CCL25: variants seen among roughly 807,000 people sequenced by gnomAD.
CCL25 encodes the protein C-C motif chemokine ligand 25.
A neutral mutation model predicts 19.9 loss-of-function variants in CCL25; 14 were observed. The ratio of observed to expected loss-of-function variants is 0.70; its 90% confidence interval spans 0.47 to 1.10. CCL25 has a LOEUF of 1.10. Ranked by LOEUF, CCL25 falls within the 50% of genes least tolerant of loss-of-function variation. The pLI is 0.00. For synonymous variants in CCL25, 68 were observed against 73.2 expected (o/e 0.93, Z 0.36); for missense variants, 151 against 181.2 (o/e 0.83, Z 0.96).
intron 2 of CCL25, 81 bp downstream of exon 2, chr19:8,053,203 C>T (rs1238283309): frequency 3.3e-5 from 28 of 850,526 alleles, no homozygotes; most frequent in East Asian, 5.7e-5. Flanking sequence ...TTATCTCCTC[C>T]GGAAGTCTCC....
chr19:8,054,850 G>A (rs2081257898), intron 2 of CCL25, among the ~76,000 whole-genome samples: 1 of 151,664 alleles, frequency 6.6e-6, no homozygotes, highest in South Asian at 2.1e-4. Context: ...TTGTTTGGTT[G>A]GTGTTTTGTT....
chr19:8,057,056 T>C (rs191880908), intron 4 of CCL25, among the ~76,000 whole-genome samples: 2 of 152,300 alleles, frequency 1.3e-5, no homozygotes, highest in Admixed American at 1.3e-4. Context: ...AGTCTTGCTG[T>C]GTCATCCAGG....
At chr19:8,055,375 G>A (rs1360664909) in intron 2 of CCL25, among the ~76,000 whole-genome samples, 8 of 147,898 alleles carry the variant, frequency 5.4e-5, no homozygotes, top group Admixed American at 3.4e-4. Flanking sequence ...TCACTCTGTC[G>A]CCCAGGCTGG....
In CCL25 at chr19:8,062,391, G is replaced by A. The variant is rs569124304; in HGVS notation, c.*166G>A. 2 of 679,188 alleles carry A rather than the reference G, an allele frequency of 2.9e-6. No homozygotes were observed. Among genetic ancestry groups the A allele is most frequent in the East Asian group, 2.8e-5 (1 of 36,128 alleles). 42.1% of individuals were successfully genotyped at this position (679,188 alleles called of 1,614,324 possible). A position where few individuals can be genotyped will look rare whatever the true frequency, so the allele number is the denominator to read the frequency against. On this transcript the variant is annotated 3_prime_UTR_variant, in exon 6 of 6. Coordinates refer to ENST00000315626, the MANE Select transcript of CCL25 (RefSeq NM_005624.4). Reference sequence around the variant, plus strand: ...TCTGCACCCCCACCACCTCCTGCCCGTCTGGCAACTGGAAAGAGGGAGTTG... The same window carrying A: ...TCTGCACCCCCACCACCTCCTGCCCATCTGGCAACTGGAAAGAGGGAGTTG...
intron 2 of CCL25, among the ~76,000 whole-genome samples, chr19:8,053,407 C>T (rs528306119): frequency 1.3e-5 from 2 of 152,234 alleles, no homozygotes; most frequent in South Asian, 4.1e-4. Context: ...AAGCCAGTTA[C>T]TGCCAGGGAT....
intron 5 of CCL25, among the ~76,000 whole-genome samples, chr19:8,061,475 A>G (rs1007772462): frequency 6.6e-6 from 1 of 152,136 alleles, no homozygotes; most frequent in African/African-American, 2.4e-5. Flanking sequence ...GCTTCATCAC[A>G]TAGGAGTGAA....
In CCL25 at chr19:8,056,274, G is replaced by A. The variant is rs1351644562; in HGVS notation, c.191+5G>A. 1 of 1,596,352 alleles carries A rather than the reference G, an allele frequency of 6.3e-7. No individual in the cohort carries two copies. The highest frequency in any genetic ancestry group is 2.2e-5 in the East Asian group (1 of 44,630). On this transcript the variant is annotated splice_donor_5th_base_variant and intron_variant, in intron 3 of 5. Coordinates refer to ENST00000315626, the MANE Select transcript of CCL25 (RefSeq NM_005624.4). The stretch of plus-strand genomic sequence containing the variant: ...CTGCAATCTGCCTGCTGCGATGTGA[G>A]TGGGGCCGTGGGGGCTGGGGGGGTG...
In CCL25 at chr19:8,057,790, C is replaced by G; in HGVS notation, c.326-11C>G. On this transcript the variant is annotated splice_polypyrimidine_tract_variant and intron_variant, in intron 4 of 5. Coordinates refer to ENST00000315626, the MANE Select transcript of CCL25 (RefSeq NM_005624.4). The stretch of plus-strand genomic sequence containing the variant: ...CAGAGCTCTTGCTTATTTCTCTCTC[C>G]ATTTCTCCAGCAGGCCCTCATGCTG... The G allele has an allele frequency of 6.2e-7, 1 of 1,609,820 alleles. No individual in the cohort carries two copies. Among genetic ancestry groups the G allele is most frequent in the South Asian group, 1.1e-5 (1 of 90,620 alleles).
chr19:8,058,381 TA>T (rs1418136121), intron 5 of CCL25, among the ~76,000 whole-genome samples: 1 of 115,696 alleles, frequency 8.6e-6, no homozygotes, highest in Non-Finnish European at 1.7e-5. Flanking sequence ...TAAATATATA[TA>T]ATATATAAGT....
rs2145302902 is a variant in CCL25, at chr19:8,062,101, T to C, written c.446-117T>C. ...TAAAAGATTCTAGCACTCCTATTAC[T>C]CAGAAATTCACAAGGGTTTTAGGAG... is the stretch of plus-strand genomic sequence containing the variant. On this transcript the variant is annotated intron_variant, in intron 5 of 5. Transcript: ENST00000315626. The C allele has an allele frequency of 5.0e-6, 4 of 798,386 alleles. No individual in the cohort carries two copies. The South Asian group carries it at 5.8e-5, about 12-fold the overall frequency. The allele number at this position is 798,386 out of a possible 1,614,324, so 49.5% of individuals were successfully genotyped here.
intron 5 of CCL25, among the ~76,000 whole-genome samples, chr19:8,058,569 A>C (rs1164430285): frequency 1.7e-5 from 2 of 117,304 alleles, no homozygotes; most frequent in Non-Finnish European, 3.5e-5. Context: ...TAAAAATAAT[A>C]TATAATATAT....
chr19:8,057,654 C>T, intron 4 of CCL25, 147 bp from the exon 5 acceptor site: 1 of 1,290,286 alleles, frequency 7.8e-7, no homozygotes, highest in Non-Finnish European at 1.0e-6. Context: ...TTAATCAGGA[C>T]ACTTTCCACT....
At chr19:8,052,698 C>T (rs945169762), upstream of CCL25, 6 of 100,072 alleles carry the variant, frequency 6.0e-5, no homozygotes, top group East Asian at 1.2e-4. Flanking sequence ...GGGAGGAGGG[C>T]GGGCAGGGGG....
chr19:8,057,828 G>A lies in CCL25; in HGVS notation c.353G>A (p.Ser118Asn), dbSNP rs761062468. The A allele has an allele frequency of 6.2e-7, 1 of 1,613,270 alleles. No individual in the cohort carries two copies. The highest frequency in any genetic ancestry group is 8.5e-7 in the Non-Finnish European group (1 of 1,179,446). ...GGCCCTCATGCTGTAAAGAAGTTGA[G>A]TTCTGGAAACTCCAAGTTATCATCG... ...QAGPHAVKKL[S>N]SGNSKLSSSK... The change falls in exon 5 of 6, where the codon AGT becomes AAT. Residue 118 changes from serine to asparagine, a missense_variant. Coordinates refer to ENST00000315626, the MANE Select transcript of CCL25 (RefSeq NM_005624.4).
In CCL25 at chr19:8,053,016, T is replaced by C. The variant is rs1568332309; in HGVS notation, c.-34T>C. 2 of 1,514,048 alleles carry C rather than the reference T, an allele frequency of 1.3e-6. No individual in the cohort carries two copies. The highest frequency in any genetic ancestry group is 2.4e-5 in the South Asian group (2 of 82,032). The allele number at this position is 1,514,048 out of a possible 1,614,324, so 93.8% of individuals were successfully genotyped here. On this transcript the variant is annotated 5_prime_UTR_variant, in exon 2 of 6. Transcript: ENST00000315626. ...CGACCCCAGGTGGCCCCGTTATTCG[T>C]CCAGGTGCCCAGGGAGGAGGACCCG...
At chr19:8,053,338 G>A (rs193167944) in intron 2 of CCL25, among the ~76,000 whole-genome samples, 10 of 152,206 alleles carry the variant, frequency 6.6e-5, no homozygotes, top group Admixed American at 6.5e-4. Context: ...GCCCCATGGA[G>A]TCTTTTGCAA....
Position 8,059,008 on chromosome 19 carries a change from T to TG in CCL25, c.445+1088_445+1089insG, listed in dbSNP as rs1235432987. Among the ~76,000 whole-genome samples the TG allele has an allele frequency of 3.8e-5, 5 of 131,130 alleles. No individual in the cohort carries two copies. The Admixed American group carries it at 4.9e-4, about 13-fold the overall frequency. The allele number at this position is 131,130 out of a possible 152,430, so 86.0% of individuals were successfully genotyped here. A position where few individuals can be genotyped will look rare whatever the true frequency, so the allele number is the denominator to read the frequency against. Reference sequence around the variant, plus strand: ...TATATAAATATATAATATAAATATATAAATATATAATATAAATATATGTAA... The same window carrying TG: ...TATATAAATATATAATATAAATATATGAAATATATAATATAAATATATGTAA... On this transcript the variant is annotated intron_variant, in intron 5 of 5. Transcript: ENST00000315626.
At chr19:8,059,530 C>A (rs2081303896) in intron 5 of CCL25, among the ~76,000 whole-genome samples, 1 of 151,924 alleles carries the variant, frequency 6.6e-6, no homozygotes, top group Non-Finnish European at 1.5e-5. Context: ...GTGACACAAT[C>A]CACAGGTTAA....
chr19:8,057,738 T>A (rs546020354), intron 4 of CCL25, 63 bp from the exon 5 acceptor site: 2 of 1,536,456 alleles, frequency 1.3e-6, no homozygotes, highest in Non-Finnish European at 1.8e-6. Context: ...CAGGCTCAGC[T>A]GGATCCAGGA....
Sources: allele counts gnomAD v4.1 joint callset (sites outside exome capture counted in the v4.1 genomes callset), GRCh38; gene constraint gnomAD v4.1.1; transcripts MANE v1.5; gene names NCBI Gene and HGNC (gene_info 2026-07-23, HGNC 2026-07-21).